USP14: variants seen among roughly 807,000 people sequenced by gnomAD.
USP14 encodes the protein ubiquitin specific peptidase 14, also known as ubiquitin carboxyl-terminal hydrolase 14.
Under a neutral mutation model 76.5 loss-of-function variants are expected in USP14, and 38 were observed. The observed-to-expected ratio is 0.50, with a 90% confidence interval of 0.38 to 0.65. The LOEUF is 0.65. Ranked by LOEUF, USP14 falls within the 30% of genes least tolerant of loss-of-function variation. The pLI, the probability that USP14 is intolerant of heterozygous loss-of-function variation, is 0.00. For missense variants in USP14, 467 were observed against 586.5 expected, an observed-to-expected ratio of 0.80 and a Z score of 2.10; for synonymous variants, 192 against 191.7, an observed-to-expected ratio of 1.00 and a Z score of -0.01.
At chr18:177,813 A>G (rs1454960474) in intron 3 of USP14, among the ~76,000 whole-genome samples, 1 of 152,116 alleles carries the variant, frequency 6.6e-6, no homozygotes, top group African/African-American at 2.4e-5. Context: ...GTGTTTGCAT[A>G]TGTATTAAAT....
intron 5 of USP14, among the ~76,000 whole-genome samples, chr18:192,593 C>A (rs1028345901): frequency 6.6e-6 from 1 of 151,992 alleles, no homozygotes; most frequent in African/African-American, 2.4e-5. Context: ...ATAAAATGTT[C>A]GTTTTATATG....
chr18:209,409 C>A (rs918961339), intron 13 of USP14, among the ~76,000 whole-genome samples: 1 of 152,144 alleles, frequency 6.6e-6, no homozygotes, highest in African/African-American at 2.4e-5. Flanking sequence ...TCTCATGTTG[C>A]ATGCTAAAAT....
At chr18:203,540 TA>T (rs1910443157) in intron 12 of USP14, among the ~76,000 whole-genome samples, 1 of 152,144 alleles carries the variant, frequency 6.6e-6, no homozygotes, top group Non-Finnish European at 1.5e-5. Context: ...GCTTCAGGGA[TA>T]CTGATTCAGT....
chr18:163,750 C>A (rs1909189007), intron 2 of USP14, among the ~76,000 whole-genome samples: 2 of 150,832 alleles, frequency 1.3e-5, no homozygotes, highest in Non-Finnish European at 2.9e-5. Context: ...TATAGGTAAA[C>A]TTGTGTCACA....
At chr18:197,225 T>G (rs1910261360) in intron 7 of USP14, among the ~76,000 whole-genome samples, 1 of 152,246 alleles carries the variant, frequency 6.6e-6, no homozygotes. Flanking sequence ...CCTCACCTCC[T>G]TCAGGTCTCA....
At chr18:177,054 A>C (rs1466935894) in intron 3 of USP14, among the ~76,000 whole-genome samples, 4 of 152,106 alleles carry the variant, frequency 2.6e-5, no homozygotes, top group Non-Finnish European at 4.4e-5. Flanking sequence ...GTAATTTTTC[A>C]AGTCCAGAGC....
At chr18:190,935 G>T (rs1329526971) in intron 5 of USP14, among the ~76,000 whole-genome samples, 1 of 150,738 alleles carries the variant, frequency 6.6e-6, no homozygotes, top group African/African-American at 2.4e-5. Context: ...ATTTTTTTTT[G>T]GATATTAAAT....
chr18:194,725 G>A (rs1910183795), intron 6 of USP14, among the ~76,000 whole-genome samples: 1 of 152,196 alleles, frequency 6.6e-6, no homozygotes, highest in African/African-American at 2.4e-5. Flanking sequence ...AAGGCCAGGG[G>A]TTTGAGACCA....
chr18:188,744 C>A (rs551581387), intron 5 of USP14, among the ~76,000 whole-genome samples: 5 of 152,104 alleles, frequency 3.3e-5, no homozygotes, highest in African/African-American at 1.2e-4. Flanking sequence ...GTGGCATGAT[C>A]TCGGCTCACT....
intron 3 of USP14, among the ~76,000 whole-genome samples, chr18:178,696 A>C (rs1168536332): frequency 2.6e-5 from 4 of 152,164 alleles, no homozygotes; most frequent in African/African-American, 9.7e-5. Context: ...TGCAGCCTTC[A>C]CCACAGTCTA....
rs1198398657 is a variant in USP14 at position 210,471 on chromosome 18, A to G, written c.1311A>G (p.Val437=). 7.5e-6 allele frequency: 12 copies of G among 1,609,238 alleles called. No individual in the cohort carries two copies. The South Asian group carries it at 1.1e-4, about 15-fold the overall frequency. ...QGRSSSSGHY[V]SWVKRKQDEW... Reference sequence around the variant, plus strand: ...GGTCTAGTTCTTCAGGTCATTATGTATCATGGGTGAAAAGGAAACAAGGTA... The same window carrying G: ...GGTCTAGTTCTTCAGGTCATTATGTGTCATGGGTGAAAAGGAAACAAGGTA... The change falls in exon 15 of 16, where the codon GTA becomes GTG. Residue 437 remains valine, a synonymous_variant. Transcript: ENST00000261601.
intron 5 of USP14, among the ~76,000 whole-genome samples, chr18:190,067 A>G (rs1288766835): frequency 6.6e-6 from 1 of 152,170 alleles, no homozygotes. Context: ...TGACTGGGTA[A>G]TGGGTCTGGC....
intron 3 of USP14, among the ~76,000 whole-genome samples, chr18:167,319 A>G (rs1909301292): frequency 6.6e-6 from 1 of 152,342 alleles, no homozygotes; most frequent in South Asian, 2.1e-4. Flanking sequence ...ATATGTTCTT[A>G]TGCTCTCCAA....
chr18:198,323 C>T (rs1449962103), intron 9 of USP14, among the ~76,000 whole-genome samples, 191 bp downstream of exon 9: 1 of 152,152 alleles, frequency 6.6e-6, no homozygotes, highest in East Asian at 1.9e-4. Flanking sequence ...CTGCAACCTC[C>T]ACCTCCTGGG....
chr18:172,101 G>C lies in USP14; in HGVS notation c.195+5282G>C, dbSNP rs1251811208. On this transcript the variant is annotated intron_variant, in intron 3 of 15. Coordinates refer to ENST00000261601, the MANE Select transcript of USP14 (RefSeq NM_005151.4). ...ACAAAAAATAAAATTAGTTGGGCATGGTGGTGTATACCTGTAGTCCTAGCT... is the reference window on the plus strand; with the variant it reads ...ACAAAAAATAAAATTAGTTGGGCATCGTGGTGTATACCTGTAGTCCTAGCT... 2.0e-5 allele frequency among the ~76,000 whole-genome samples: 3 copies of C among 152,120 alleles called. No individual in the cohort carries two copies. In the East Asian group the frequency reaches 5.8e-4, roughly 29 times the overall value.
chr18:170,720 G>T (rs1909417813), intron 3 of USP14, among the ~76,000 whole-genome samples: 1 of 152,054 alleles, frequency 6.6e-6, no homozygotes, highest in Non-Finnish European at 1.5e-5. Context: ...TGAGAGAGGT[G>T]AGGAAGCTAC....
At chr18:200,576 C>T (rs16951450) in intron 10 of USP14, among the ~76,000 whole-genome samples, 10,210 of 152,144 alleles carry the variant, frequency 0.067, 701 homozygotes, top group East Asian at 0.32. Context: ...CTAAAGAATA[C>T]GGACTCACAT....
At chr18:183,689 T>TTGGATTAAGATTCTTAATTTAGA (rs1192175169) in intron 5 of USP14, among the ~76,000 whole-genome samples, 1 of 152,086 alleles carries the variant, frequency 6.6e-6, no homozygotes, top group East Asian at 1.9e-4. Flanking sequence ...TATTCTTAAT[T>TTGGATTAAGATTCTTAATTTAGA]TTTGGATCTA....
intron 8 of USP14, 37 bp from the exon 9 acceptor site, chr18:198,010 T>A (rs1910285449): frequency 2.0e-6 from 3 of 1,535,268 alleles, no homozygotes; most frequent in Non-Finnish European, 2.7e-6. Context: ...ACATTAATAT[T>A]TATATAAAGT....
Sources: gnomAD v4.1 joint callset for allele counts (sites outside exome capture counted in the v4.1 genomes callset) on GRCh38, gnomAD v4.1.1 for gene constraint, MANE v1.5 for transcripts, NCBI Gene and HGNC (gene_info 2026-07-23, HGNC 2026-07-21) for gene names.